Variants in KLHL1 observed in about 807,000 individuals in gnomAD.
KLHL1 encodes kelch like family member 1.
Under a neutral mutation model 77.7 loss-of-function variants are expected in KLHL1, and 47 were observed. The observed-to-expected ratio is 0.60, with a 90% CI of 0.48 to 0.77. KLHL1 has a LOEUF of 0.77. Ranked by LOEUF, KLHL1 falls within the 30% of genes least tolerant of loss-of-function variation. The probability of loss-of-function intolerance (pLI) is 0.00; values close to 1 mark genes in which losing one functional copy is unlikely to be tolerated. For missense variants in KLHL1, 925 were observed against 910.8 expected, an observed-to-expected ratio of 1.02 and a Z score of -0.20; for synonymous variants, 360 against 325.2, an observed-to-expected ratio of 1.11 and a Z score of -1.15.
In KLHL1 at chr13:69,871,782, A is replaced by G. The variant is rs568906567; in HGVS notation, c.1227+10501T>C. Among the ~76,000 whole-genome samples the G allele has an allele frequency of 4.6e-5, 7 of 151,712 alleles. No homozygotes were observed. The East Asian group carries it at 9.7e-4, about 21-fold the overall frequency. Reference sequence around the variant, plus strand: ...AGGGTGACCTTTGCTCCAGTTCCCAATAAGTTCCTCATTTTCACCTGAGAC... The same window carrying G: ...AGGGTGACCTTTGCTCCAGTTCCCAGTAAGTTCCTCATTTTCACCTGAGAC... On this transcript the variant is annotated intron_variant, in intron 5 of 10. Transcript: ENST00000377844.
intron 7 of KLHL1, among the ~76,000 whole-genome samples, chr13:69,769,586 C>T (rs1875466281): frequency 6.6e-6 from 1 of 152,040 alleles, no homozygotes; most frequent in African/African-American, 2.4e-5. Context: ...TTGTATTTTT[C>T]TGAAAAATAC....
chr13:69,952,241 C>T (rs191185922), intron 3 of KLHL1, among the ~76,000 whole-genome samples: 85 of 151,326 alleles, frequency 5.6e-4, no homozygotes, highest in Middle Eastern at 3.4e-3. Flanking sequence ...AGTGCATAGC[C>T]CAGGAAAACA....
chr13:70,051,921 C>T (rs1886638608), intron 1 of KLHL1, among the ~76,000 whole-genome samples: 1 of 148,644 alleles, frequency 6.7e-6, no homozygotes. Context: ...AGATTTTTGT[C>T]CTATCTTTGG....
At chr13:69,900,106 T>C (rs1881803082) in intron 4 of KLHL1, among the ~76,000 whole-genome samples, 2 of 152,144 alleles carry the variant, frequency 1.3e-5, no homozygotes, top group Non-Finnish European at 2.9e-5. Context: ...GGGCAGACAT[T>C]TATATTTTCT....
At chr13:69,957,398 G>A (rs917463922) in intron 3 of KLHL1, among the ~76,000 whole-genome samples, 2 of 151,556 alleles carry the variant, frequency 1.3e-5, no homozygotes, top group African/African-American at 2.4e-5. Flanking sequence ...CTATACAGAT[G>A]GTTCCTGACT....
chr13:69,760,347 TTTATTA>T (rs141226123), intron 7 of KLHL1, among the ~76,000 whole-genome samples: 16 of 150,162 alleles, frequency 1.1e-4, no homozygotes, highest in Admixed American at 8.6e-4. Context: ...GTTAGGATAT[TTTATTA>T]TTATTATTAT....
chr13:69,806,987 G>A (rs555502734), intron 6 of KLHL1, among the ~76,000 whole-genome samples: 1 of 152,292 alleles, frequency 6.6e-6, no homozygotes, highest in African/African-American at 2.4e-5. Context: ...CACACTACAT[G>A]CCTTGGTGGT....
intron 5 of KLHL1, among the ~76,000 whole-genome samples, chr13:69,871,631 T>A (rs536646298): frequency 3.9e-5 from 6 of 152,266 alleles, no homozygotes; most frequent in Admixed American, 3.9e-4. Flanking sequence ...TTGAGCACTT[T>A]ACTGCTTAGA....
At chr13:69,812,777 C>T (rs1593853938) in intron 6 of KLHL1, among the ~76,000 whole-genome samples, 1 of 150,714 alleles carries the variant, frequency 6.6e-6, no homozygotes, top group East Asian at 1.9e-4. Context: ...GAGATACCAT[C>T]TCACACCAGT....
At chr13:70,040,416 A>T (rs1886347268) in intron 1 of KLHL1, among the ~76,000 whole-genome samples, 1 of 152,152 alleles carries the variant, frequency 6.6e-6, no homozygotes, top group Admixed American at 6.5e-5. Context: ...TGCAGTATAC[A>T]CATGTAATAA....
chr13:69,936,752 A>T (rs1375893318), intron 4 of KLHL1, among the ~76,000 whole-genome samples: 1 of 152,060 alleles, frequency 6.6e-6, no homozygotes, highest in East Asian at 1.9e-4. Flanking sequence ...AAAAACTATG[A>T]AGGTCAGGGA....
At chr13:69,884,236 T>C (rs1434714095) in intron 4 of KLHL1, among the ~76,000 whole-genome samples, 1 of 152,140 alleles carries the variant, frequency 6.6e-6, no homozygotes, top group Non-Finnish European at 1.5e-5. Context: ...ATAATAATAA[T>C]ACAATTTGTA....
chr13:69,956,152 A>ATATATTTGATATATATGATATATATATT lies in KLHL1; in HGVS notation c.817+5155_817+5156insAATATATATATCATATATATCAAATATA, dbSNP rs1566443322. ...TGATATATATGATATATATATTTAT[A>ATATATTTGATATATATGATATATATATT]TATATTTGATATATATATTTATTAT... is the stretch of plus-strand genomic sequence containing the variant. On this transcript the variant is annotated intron_variant, in intron 3 of 10. Transcript: ENST00000377844. Among the ~76,000 whole-genome samples, 730 of 142,330 alleles carry ATATATTTGATATATATGATATATATATT rather than the reference A, an allele frequency of 5.1e-3. 8 individuals are homozygous for ATATATTTGATATATATGATATATATATT. The highest frequency in any genetic ancestry group is 0.016 in the South Asian group (77 of 4,716). The allele number at this position is 142,330 out of a possible 152,430, so 93.4% of individuals were successfully genotyped here.
intron 1 of KLHL1, among the ~76,000 whole-genome samples, chr13:70,106,330 A>C (rs2137461018): frequency 6.6e-6 from 1 of 152,286 alleles, no homozygotes; most frequent in African/African-American, 2.4e-5. Flanking sequence ...ATCATTTCAT[A>C]TCCTGACTAT....
At position 69,873,635 on chromosome 13, in the gene KLHL1, C is replaced by A. The variant is rs115024507; in HGVS notation, c.1227+8648G>T. Among the ~76,000 whole-genome samples, 701 of 152,122 alleles carry A rather than the reference C, an allele frequency of 4.6e-3. 5 individuals are homozygous for A. Among genetic ancestry groups the A allele is most frequent in the African/African-American group, 0.016 (664 of 41,518 alleles). On this transcript the variant is annotated intron_variant, in intron 5 of 10. Transcript: ENST00000377844. Reference sequence around the variant, plus strand: ...CTCACATTCCAGACAAATAACATATCAACAGATAGGAGAAATACCTAATGT... The same window carrying A: ...CTCACATTCCAGACAAATAACATATAAACAGATAGGAGAAATACCTAATGT...
intron 1 of KLHL1, among the ~76,000 whole-genome samples, chr13:70,033,186 T>A (rs1375450087): frequency 6.6e-6 from 1 of 152,214 alleles, no homozygotes; most frequent in Non-Finnish European, 1.5e-5. Flanking sequence ...GAAAAGGTAT[T>A]ATCTGCTTTA....
rs77703877 is a variant in KLHL1 at position 70,063,176 on chromosome 13, T to G, written c.497+44027A>C. 9.3e-3 allele frequency among the ~76,000 whole-genome samples: 1,417 copies of G among 152,250 alleles called. 31 individuals carry two copies. Among genetic ancestry groups the G allele is most frequent in the African/African-American group, 0.029 (1,186 of 41,564 alleles). On this transcript the variant is annotated intron_variant, in intron 1 of 10. Transcript: ENST00000377844. ...CTAAGTATCCAGATCCAGCTCTGAT[T>G]ACTTCTCTAAGTAGACTATGCTAGG...
chr13:69,759,810 G>T (rs1255888673), intron 7 of KLHL1, among the ~76,000 whole-genome samples: 2 of 152,078 alleles, frequency 1.3e-5, no homozygotes, highest in Admixed American at 1.3e-4. Flanking sequence ...ATCGTCATTT[G>T]CCCAAACCAA....
At chr13:69,767,892 TAAAGAG>T (rs1420263854) in intron 7 of KLHL1, among the ~76,000 whole-genome samples, 2 of 152,190 alleles carry the variant, frequency 1.3e-5, no homozygotes, top group African/African-American at 4.8e-5. Context: ...CAGAAAATAC[TAAAGAG>T]AAAATCTCAT....
Sources: allele counts gnomAD v4.1 joint callset (sites outside exome capture counted in the v4.1 genomes callset), GRCh38; gene constraint gnomAD v4.1.1; transcripts MANE v1.5; gene names NCBI Gene and HGNC (gene_info 2026-07-23, HGNC 2026-07-21).